PLCH2: variants seen among roughly 807,000 people sequenced by gnomAD.
The protein encoded by PLCH2 is phospholipase C eta 2, also known as 1-phosphatidylinositol 4,5-bisphosphate phosphodiesterase eta-2.
Under a neutral mutation model 134.7 loss-of-function variants are expected in PLCH2, and 98 were observed. The observed-to-expected ratio is 0.73, with a 90% confidence interval of 0.62 to 0.86. The LOEUF is 0.86. Ranked by LOEUF, PLCH2 falls within the 40% of genes least tolerant of loss-of-function variation. The pLI is 0.00. For synonymous variants in PLCH2, 974 were observed against 827.5 expected (o/e 1.18, Z -3.04); for missense variants, 1,994 against 1,986.6 (o/e 1.00, Z -0.07).
At chr1:2,480,118 G>T (rs1189347481) in intron 3 of PLCH2, 65 bp from the exon 4 acceptor site, 2 of 1,601,098 alleles carry the variant, frequency 1.2e-6, no homozygotes, top group Non-Finnish European at 1.7e-6. Context: ...TCCTCCCTAG[G>T]CCAGAGGGTG....
In PLCH2 at chr1:2,498,265, A is replaced by C. The variant is rs1643004569; in HGVS notation, c.2225-258A>C. On this transcript the variant is annotated intron_variant, in intron 16 of 21. Transcript: ENST00000378486. This position sits in a 1 kb window ranked among gnomAD's most constrained non-coding sequence, Gnocchi z 5.4. ...CCCAGGGACCCAGACCCACCCCCAG[A>C]AGCCATGTGACCTCCTCGGCTCAGC... The C allele has an allele frequency of 6.7e-6, 3 of 448,170 alleles. No homozygotes were observed. Among genetic ancestry groups the C allele is most frequent in the African/African-American group, 4.0e-5 (2 of 50,032 alleles). The allele number at this position is 448,170 out of a possible 1,614,324, so 27.8% of individuals were successfully genotyped here. A position where few individuals can be genotyped will look rare whatever the true frequency, so the allele number is the denominator to read the frequency against.
intron 4 of PLCH2, among the ~76,000 whole-genome samples, chr1:2,483,264 G>A (rs759779523): frequency 3.9e-5 from 6 of 152,150 alleles, no homozygotes; most frequent in Non-Finnish European, 5.9e-5. Context: ...GGCGCAGGGC[G>A]GAACCCTGCC....
chr1:2,451,280 G>T (rs567899478), intron 2 of PLCH2, among the ~76,000 whole-genome samples: 1 of 152,332 alleles, frequency 6.6e-6, no homozygotes, highest in East Asian at 1.9e-4. Context: ...CGATTGTGGG[G>T]TCTGGGGCCA....
intron 4 of PLCH2, among the ~76,000 whole-genome samples, chr1:2,481,466 C>T (rs1440458891): frequency 2.6e-5 from 4 of 152,258 alleles, no homozygotes; most frequent in African/African-American, 9.6e-5. Flanking sequence ...GGTCCCTCCA[C>T]AGAGTTGAGG....
intron 1 of PLCH2, 40 bp downstream of exon 1, chr1:2,476,752 C>A: frequency 6.5e-7 from 1 of 1,547,082 alleles, no homozygotes; most frequent in Non-Finnish European, 8.7e-7. Context: ...TGAGTGCTGG[C>A]CCTGGCCAGG....
upstream of PLCH2, among the ~76,000 whole-genome samples, chr1:2,465,877 GT>G (rs1166235533): frequency 6.6e-6 from 1 of 152,030 alleles, no homozygotes; most frequent in African/African-American, 2.4e-5. Context: ...GCGTGGCTGG[GT>G]CGGGACCTGC....
At chr1:2,478,900 C>T (rs1023861850) in intron 2 of PLCH2, among the ~76,000 whole-genome samples, 4 of 152,124 alleles carry the variant, frequency 2.6e-5, no homozygotes, top group African/African-American at 9.7e-5. Context: ...AGGAGGGGCA[C>T]AGCATAGTCC....
At chr1:2,455,112 C>T (rs558364032) in intron 2 of PLCH2, among the ~76,000 whole-genome samples, 15 of 152,312 alleles carry the variant, frequency 9.8e-5, no homozygotes, top group South Asian at 2.1e-4. Context: ...CCAGCGGAGC[C>T]GGGACCTGGC....
chr1:2,443,422 C>T (rs1014853731), intron 2 of PLCH2, among the ~76,000 whole-genome samples: 2 of 152,300 alleles, frequency 1.3e-5, no homozygotes, highest in East Asian at 3.9e-4. Context: ...CCTGGGCAAA[C>T]GCCCAGCCTG....
chr1:2,498,713 C>T lies in PLCH2; in HGVS notation c.2350-31C>T, dbSNP rs761752133. The T allele has an allele frequency of 6.3e-6, 10 of 1,581,144 alleles. No homozygotes were observed. Among genetic ancestry groups the T allele is most frequent in the Non-Finnish European group, 8.6e-6 (10 of 1,160,222 alleles). On this transcript the variant is annotated intron_variant, in intron 17 of 21. Transcript: ENST00000378486. The surrounding 1 kb of genome is among the most constrained non-coding windows in gnomAD (Gnocchi z 5.4). ...GGGGCGGGCCGGGCATCGCGATGGG[C>T]CCTGATGCCACCCCCACTCCTGTGT... is the stretch of plus-strand genomic sequence containing the variant.
chr1:2,479,514 G>C, intron 2 of PLCH2: 1 of 528,540 alleles, frequency 1.9e-6, no homozygotes. Flanking sequence ...TTTTCCACAG[G>C]AAAGGGAAAG....
In PLCH2 at chr1:2,439,554, C is replaced by T. The variant is rs900583219; in HGVS notation, c.115+8925C>T. Reference sequence around the variant, plus strand: ...AGCTGCTGAGGATTGCACGTTTACCCGATTAAGCCCATTGATTGAGTTGCG... The same window carrying T: ...AGCTGCTGAGGATTGCACGTTTACCTGATTAAGCCCATTGATTGAGTTGCG... On this transcript the variant is annotated intron_variant, in intron 2 of 3. Coordinates refer to the PLCH2 transcript ENST00000609981. This position sits in a 1 kb window ranked among gnomAD's most constrained non-coding sequence, Gnocchi z 4.7. Among the ~76,000 whole-genome samples, 2 of 152,236 alleles carry T rather than the reference C, an allele frequency of 1.3e-5. No homozygotes were observed. The highest frequency in any genetic ancestry group is 2.4e-5 in the African/African-American group (1 of 41,474).
intron 2 of PLCH2, among the ~76,000 whole-genome samples, chr1:2,451,080 G>A (rs921089083): frequency 6.6e-6 from 1 of 152,064 alleles, no homozygotes; most frequent in African/African-American, 2.4e-5. Context: ...AGCACACGCT[G>A]TCTGGAAATA....
upstream of PLCH2, among the ~76,000 whole-genome samples, chr1:2,422,842 C>G (rs1638585949): frequency 1.3e-5 from 2 of 152,122 alleles, no homozygotes; most frequent in Non-Finnish European, 2.9e-5. Context: ...TGTACCTGGC[C>G]CTGTTTTTCA....
intron 2 of PLCH2, among the ~76,000 whole-genome samples, chr1:2,437,306 T>G (rs991842822): frequency 2.0e-5 from 3 of 152,000 alleles, no homozygotes; most frequent in Non-Finnish European, 4.4e-5. Flanking sequence ...GCCCCCACAT[T>G]CTCTAGGGTT....
chr1:2,472,591 C>T (rs1641378481), upstream of PLCH2, among the ~76,000 whole-genome samples: 1 of 152,196 alleles, frequency 6.6e-6, no homozygotes. Flanking sequence ...GGTAGGCTGG[C>T]CTGGGGGCCA....
intron 4 of PLCH2, among the ~76,000 whole-genome samples, chr1:2,484,214 G>A (rs1642172423): frequency 6.6e-6 from 1 of 152,150 alleles, no homozygotes. Context: ...GGTTGAAGGT[G>A]AAAAGCATAT....
chr1:2,487,568 T>C (rs754255232), intron 7 of PLCH2, 30 bp from the exon 8 acceptor site: 1 of 1,601,996 alleles, frequency 6.2e-7, no homozygotes, highest in Non-Finnish European at 8.5e-7. Context: ...GCTAGGCCCC[T>C]GGGGCTGACC....
chr1:2,487,205 G>T lies in PLCH2; in HGVS notation c.943G>T (p.Asp315Tyr). ...FTNYTRSPAGDIFNPEHHHVH... is the reference protein window; with the variant it reads ...FTNYTRSPAGYIFNPEHHHVH... The stretch of plus-strand genomic sequence containing the variant: ...CAACTACACCAGGAGCCCTGCTGGT[G>T]ACATCTTCAACCCTGAGCACCACCA... The change falls in exon 7 of 22, where the codon GAC (aspartate) becomes TAC (tyrosine). Residue 315 changes from aspartate (D) to tyrosine (Y), a missense_variant. Transcript: ENST00000378486. 6.3e-7 allele frequency: 1 copy of T among 1,588,158 alleles called. No individual in the cohort carries two copies.
Sources: gnomAD v4.1 joint callset for allele counts (sites outside exome capture counted in the v4.1 genomes callset) on GRCh38, gnomAD v4.1.1 for gene constraint, Gnocchi (gnomAD v3.1) non-coding constraint, MANE v1.5 for transcripts, NCBI Gene and HGNC (gene_info 2026-07-23, HGNC 2026-07-21) for gene names.